Variants in TUBGCP4 observed in about 807,000 individuals in gnomAD.
The protein encoded by TUBGCP4 is gamma-tubulin complex component 4.
TUBGCP4 carries 54 observed loss-of-function variants against 91.6 expected under a neutral mutation model. The observed-to-expected ratio is 0.59, with a 90% CI of 0.47 to 0.74. TUBGCP4 has a LOEUF of 0.74. Among genes scored for constraint, TUBGCP4 ranks in the 30% least tolerant of loss-of-function variants. TUBGCP4 has a pLI of 0.00. For synonymous variants in TUBGCP4, 297 were observed against 302.8 expected (o/e 0.98, Z 0.20); for missense variants, 593 against 800.9 (o/e 0.74, Z 3.13).
rs1479958209 is a variant in TUBGCP4, at chr15:43,406,251, CACTGA to C, written c.*1040_*1044del. The C allele has an allele frequency of 2.1e-5, 4 of 190,942 alleles. No individual in the cohort carries two copies. The highest frequency in any genetic ancestry group is 4.3e-5 in the Non-Finnish European group (4 of 92,076). 11.8% of individuals were successfully genotyped at this position (190,942 alleles called of 1,614,324 possible). A position where few individuals can be genotyped will look rare whatever the true frequency, so the allele number is the denominator to read the frequency against. On this transcript the variant is annotated 3_prime_UTR_variant, in exon 18 of 18. Coordinates refer to ENST00000564079, the MANE Select transcript of TUBGCP4 (RefSeq NM_014444.5). Reference sequence around the variant, plus strand: ...ATCAGTGTAAGTAAAAAGAAATATTCACTGAACAACGCCCTCCAAACTGAAAAAGA... The same window carrying C: ...ATCAGTGTAAGTAAAAAGAAATATTCACAACGCCCTCCAAACTGAAAAAGA...
chr15:43,394,940 CA>C, intron 9 of TUBGCP4, 166 bp from the exon 10 acceptor site: 1 of 702,464 alleles, frequency 1.4e-6, no homozygotes, highest in South Asian at 1.7e-5. Context: ...GTATTCTTTA[CA>C]GCAGTGTGAG....
At chr15:43,385,561 G>A (rs1002881699) in intron 7 of TUBGCP4, 4 of 536,638 alleles carry the variant, frequency 7.5e-6, no homozygotes, top group Middle Eastern at 4.8e-4. Context: ...AAGGCAGAGT[G>A]AGGGCCCAAA....
At chr15:43,388,323 T>A (rs1326498563) in intron 9 of TUBGCP4, among the ~76,000 whole-genome samples, 1 of 152,246 alleles carries the variant, frequency 6.6e-6, no homozygotes, top group African/African-American at 2.4e-5. Flanking sequence ...TGGTTTCCCT[T>A]TCTAGTCACT....
intron 9 of TUBGCP4, among the ~76,000 whole-genome samples, chr15:43,390,793 G>C (rs1160268710): frequency 6.6e-6 from 1 of 152,064 alleles, no homozygotes; most frequent in Admixed American, 6.6e-5. Context: ...ATAGGCGTGA[G>C]CCACTGGGCC....
intron 16 of TUBGCP4, 195 bp from the exon 17 acceptor site, chr15:43,404,218 C>T (rs1270575635): frequency 1.7e-6 from 1 of 598,132 alleles, no homozygotes; most frequent in Non-Finnish European, 2.9e-6. Flanking sequence ...AGAGTACTTT[C>T]ATAGGAAGTC....
intron 16 of TUBGCP4, 76 bp downstream of exon 16, chr15:43,403,875 CCT>C (rs776678199): frequency 2.0e-6 from 2 of 1,007,190 alleles, no homozygotes; most frequent in South Asian, 2.6e-5. Flanking sequence ...CATGATCTTT[CCT>C]CTGAGTCAGT....
In TUBGCP4 at chr15:43,380,129, G is replaced by T. The variant is rs771153821; in HGVS notation, c.487G>T (p.Gly163Trp). 6.2e-7 allele frequency: 1 copy of T among 1,614,092 alleles called. No individual in the cohort carries two copies. The highest frequency in any genetic ancestry group is 1.1e-5 in the South Asian group (1 of 91,076). ...GGAAACAGTCTACAAACACAGCTGT[G>T]GGGGGTTGCCTCCTGTTCGAAGTGC... Reference protein sequence around the residue: ...ILETVYKHSCGGLPPVRSALE... With the variant: ...ILETVYKHSCWGLPPVRSALE... The change falls in exon 6 of 18, where the codon GGG (glycine) becomes TGG (tryptophan). Residue 163 changes from glycine to tryptophan, a missense_variant. Coordinates refer to ENST00000564079, the MANE Select transcript of TUBGCP4 (RefSeq NM_014444.5).
At chr15:43,398,294 C>A (rs932274976) in intron 13 of TUBGCP4, 115 bp downstream of exon 13, 23 of 1,207,440 alleles carry the variant, frequency 1.9e-5, no homozygotes, top group Non-Finnish European at 2.5e-5. Context: ...CACCTGTAAT[C>A]CCAGCTAGTC....
chr15:43,386,186 G>A lies in TUBGCP4; in HGVS notation c.890-20G>A, dbSNP rs1344411780. ...TGGGTATTCTCCGTCCTCCTTTGAC[G>A]GTGTCTTCCTATTTTGCAGGATCCA... On this transcript the variant is annotated intron_variant, in intron 8 of 17. Transcript: ENST00000564079. 9 of 1,596,042 alleles carry A rather than the reference G, an allele frequency of 5.6e-6. No individual in the cohort carries two copies. Among genetic ancestry groups the A allele is most frequent in the South Asian group, 2.3e-5 (2 of 88,496 alleles).
At chr15:43,386,176 C>T (rs1315061078) in intron 8 of TUBGCP4, 30 bp from the exon 9 acceptor site, 1 of 1,590,160 alleles carries the variant, frequency 6.3e-7, no homozygotes, top group Admixed American at 1.8e-5. Context: ...ATTCTCCGTC[C>T]TCCTTTGACG....
chr15:43,395,757 C>G, intron 11 of TUBGCP4, 69 bp downstream of exon 11: 1 of 1,323,836 alleles, frequency 7.6e-7, no homozygotes, highest in African/African-American at 1.4e-5. Flanking sequence ...CTGCTGCTGA[C>G]CCTTTTAAGG....
rs1395853036 is a variant in TUBGCP4, at chr15:43,408,643, C to G, written c.*3429C>G. The G allele has an allele frequency of 2.1e-6, 1 of 473,412 alleles. No homozygotes were observed. The highest frequency in any genetic ancestry group is 3.8e-6 in the Non-Finnish European group (1 of 260,158). The allele number at this position is 473,412 out of a possible 1,614,324, so 29.3% of individuals were successfully genotyped here. A position where few individuals can be genotyped will look rare whatever the true frequency, so the allele number is the denominator to read the frequency against. On this transcript the variant is annotated 3_prime_UTR_variant, in exon 18 of 18. Coordinates refer to ENST00000564079, the MANE Select transcript of TUBGCP4 (RefSeq NM_014444.5). Reference sequence around the variant, plus strand: ...ATATATTTTTAATGCTTGCTTAAAACTTAGTTCTCTGACTTTACAGGTTGA... The same window carrying G: ...ATATATTTTTAATGCTTGCTTAAAAGTTAGTTCTCTGACTTTACAGGTTGA...
chr15:43,392,615 C>T (rs1442257252), intron 9 of TUBGCP4, among the ~76,000 whole-genome samples: 1 of 152,146 alleles, frequency 6.6e-6, no homozygotes. Flanking sequence ...TCTCCTGCCT[C>T]AGCCTCCTGA....
At chr15:43,381,401 A>G (rs2044283043) in intron 6 of TUBGCP4, among the ~76,000 whole-genome samples, 1 of 152,134 alleles carries the variant, frequency 6.6e-6, no homozygotes, top group Non-Finnish European at 1.5e-5. Flanking sequence ...TTTTATTTTG[A>G]AAAATTTTAA....
chr15:43,397,927 G>T, intron 12 of TUBGCP4, 114 bp from the exon 13 acceptor site: 1 of 1,097,222 alleles, frequency 9.1e-7, no homozygotes, highest in African/African-American at 1.6e-5. Context: ...GCCCAGACTG[G>T]TCTTGAACTC....
In TUBGCP4 at chr15:43,407,808, A is replaced by AGGT; in HGVS notation, c.*2598_*2600dup. ...TCACTTATGTTGACTCACCTCTTGA[A>AGGT]GGTGGTACTTTTCTTCTCTAAGAAA... On this transcript the variant is annotated 3_prime_UTR_variant, in exon 18 of 18. Transcript: ENST00000564079. 1 of 940,628 alleles carries AGGT rather than the reference A, an allele frequency of 1.1e-6. No individual in the cohort carries two copies. Among genetic ancestry groups the AGGT allele is most frequent in the East Asian group, 2.4e-5 (1 of 41,382 alleles). 58.3% of individuals were successfully genotyped at this position (940,628 alleles called of 1,614,324 possible). A position where few individuals can be genotyped will look rare whatever the true frequency, so the allele number is the denominator to read the frequency against.
chr15:43,380,227 C>A, intron 6 of TUBGCP4, 64 bp downstream of exon 6: 1 of 1,397,166 alleles, frequency 7.2e-7, no homozygotes, highest in Non-Finnish European at 1.0e-6. Flanking sequence ...TGACTTCTCA[C>A]ATGTTTTATT....
At position 43,384,994 on chromosome 15, in the gene TUBGCP4, C is replaced by G. The variant is rs137894649; in HGVS notation, c.724-797C>G. On this transcript the variant is annotated intron_variant, in intron 7 of 17. Transcript: ENST00000564079. The stretch of plus-strand genomic sequence containing the variant: ...GCTTAGTGAGTGCTTGGAAATGAGT[C>G]AAGAGGGAAGAATCATTGATGATAC... 1.8e-3 allele frequency among the ~76,000 whole-genome samples: 271 copies of G among 152,260 alleles called. 1 individual carries two copies. Among genetic ancestry groups the G allele is most frequent in the African/African-American group, 6.3e-3 (260 of 41,540 alleles).
chr15:43,392,116 ACACAT>A (rs1417060891), intron 9 of TUBGCP4, among the ~76,000 whole-genome samples: 2 of 149,006 alleles, frequency 1.3e-5, no homozygotes, highest in Non-Finnish European at 3.0e-5. Context: ...ACACACACAC[ACACAT>A]ATTTTTTTTT....
Sources: allele counts gnomAD v4.1 joint callset (sites outside exome capture counted in the v4.1 genomes callset), GRCh38; gene constraint gnomAD v4.1.1; transcripts MANE v1.5; gene names NCBI Gene and HGNC (gene_info 2026-07-23, HGNC 2026-07-21).